The following DCC variants were observed in gnomAD, a reference collection of about 807,000 sequenced individuals.
DCC encodes the protein DCC netrin 1 receptor, also known as netrin receptor DCC.
In DCC, 58 loss-of-function variants were observed where a neutral mutation model predicts 172.5. The ratio of observed to expected loss-of-function variants is 0.34; its 90% CI spans 0.27 to 0.42. The LOEUF is 0.42. Among genes scored for constraint, DCC ranks in the 10% least tolerant of loss-of-function variants. The pLI is 1.00. For missense variants in DCC, 1,740 were observed against 1,791.0 expected (o/e 0.97, Z 0.51); for synonymous variants, 709 against 644.5 (o/e 1.10, Z -1.52).
chr18:52,567,819 T>TAA (rs959111911), intron 1 of DCC, among the ~76,000 whole-genome samples: 11 of 151,082 alleles, frequency 7.3e-5, no homozygotes, highest in African/African-American at 2.7e-4. Flanking sequence ...GTATTGAGCT[T>TAA]AAAAAAAAAC....
intron 5 of DCC, among the ~76,000 whole-genome samples, chr18:53,049,846 G>T (rs1411598158): frequency 1.3e-5 from 2 of 151,992 alleles, no homozygotes; most frequent in Non-Finnish European, 2.9e-5. Flanking sequence ...ATATGAAAGG[G>T]AGTTAATTAA....
At chr18:53,036,195 T>A (rs189359612) in intron 5 of DCC, among the ~76,000 whole-genome samples, 28 of 152,034 alleles carry the variant, frequency 1.8e-4, no homozygotes, top group Admixed American at 9.2e-4. Context: ...ATTCTAAAAA[T>A]CTTTTCCCAA....
At chr18:52,460,968 T>TA (rs922735570) in intron 1 of DCC, among the ~76,000 whole-genome samples, 4 of 152,194 alleles carry the variant, frequency 2.6e-5, no homozygotes, top group African/African-American at 9.6e-5. Flanking sequence ...AAATTATGTT[T>TA]ACTTCTTTAG....
intron 7 of DCC, among the ~76,000 whole-genome samples, chr18:53,096,003 C>T (rs2043082499): frequency 6.6e-6 from 1 of 151,774 alleles, no homozygotes; most frequent in South Asian, 2.1e-4. Flanking sequence ...CCATTGATTT[C>T]AGAGGTCAGG....
chr18:52,867,035 T>C (rs145953286), intron 2 of DCC, among the ~76,000 whole-genome samples: 11,671 of 152,258 alleles, frequency 0.077, 837 homozygotes, highest in East Asian at 0.31. Flanking sequence ...ATAGCTCTTA[T>C]TATTTTGAGA....
At position 53,152,309 on chromosome 18, in the gene DCC, G is replaced by A. The variant is rs532886544; in HGVS notation, c.1262-5047G>A. On this transcript the variant is annotated intron_variant, in intron 7 of 28. Transcript: ENST00000442544. ...ATACATCATAGGGAATGAAGGTAGT[G>A]GACTATCAATAAGCTTAGAAAAAAA... Among the ~76,000 whole-genome samples the A allele has an allele frequency of 2.6e-5, 4 of 152,086 alleles. No individual in the cohort carries two copies. The East Asian group carries it at 7.7e-4, about 29-fold the overall frequency.
At chr18:52,917,709 T>C (rs1440787505) in intron 3 of DCC, among the ~76,000 whole-genome samples, 3 of 152,154 alleles carry the variant, frequency 2.0e-5, no homozygotes, top group Non-Finnish European at 1.5e-5. Flanking sequence ...GTAATGACTG[T>C]TTTCTCTTTA....
At chr18:53,068,489 G>A (rs1001815464) in intron 7 of DCC, among the ~76,000 whole-genome samples, 3 of 141,020 alleles carry the variant, frequency 2.1e-5, no homozygotes, top group Non-Finnish European at 4.5e-5. Flanking sequence ...TGGCTGCTAC[G>A]CCAGTCACAG....
At chr18:53,163,290 G>A (rs1324256828) in intron 8 of DCC, among the ~76,000 whole-genome samples, 2 of 152,138 alleles carry the variant, frequency 1.3e-5, no homozygotes, top group African/African-American at 2.4e-5. Flanking sequence ...AAAATAAATT[G>A]TGTTACTGAG....
At chr18:53,398,277 G>A (rs1485683426) in intron 18 of DCC, among the ~76,000 whole-genome samples, 1 of 152,100 alleles carries the variant, frequency 6.6e-6, no homozygotes, top group Non-Finnish European at 1.5e-5. Flanking sequence ...CCATGGGATT[G>A]CAGTTCTAAT....
chr18:53,047,102 G>T (rs1031293478), intron 5 of DCC, among the ~76,000 whole-genome samples: 1 of 150,266 alleles, frequency 6.7e-6, no homozygotes, highest in Non-Finnish European at 1.5e-5. Flanking sequence ...GGACAAATAT[G>T]ATAAAAAGAA....
intron 14 of DCC, among the ~76,000 whole-genome samples, chr18:53,338,311 A>C (rs1379920905): frequency 6.6e-6 from 1 of 152,158 alleles, no homozygotes; most frequent in Non-Finnish European, 1.5e-5. Context: ...TTGTATAAAT[A>C]TTTATTAATT....
chr18:52,695,469 C>A (rs2035998048), intron 1 of DCC, among the ~76,000 whole-genome samples: 2 of 152,284 alleles, frequency 1.3e-5, no homozygotes, highest in South Asian at 4.1e-4. Flanking sequence ...ATTGTGTCAA[C>A]AGGATAGATT....
intron 22 of DCC, among the ~76,000 whole-genome samples, chr18:53,448,186 A>G (rs1448420081): frequency 6.6e-6 from 1 of 151,800 alleles, no homozygotes; most frequent in Non-Finnish European, 1.5e-5. Context: ...CACAATGAGT[A>G]TTTGTATTAA....
At chr18:53,045,027 T>C (rs1372978235) in intron 5 of DCC, among the ~76,000 whole-genome samples, 2 of 151,858 alleles carry the variant, frequency 1.3e-5, no homozygotes, top group Non-Finnish European at 2.9e-5. Flanking sequence ...AAGGTAAATA[T>C]GAATGATAAG....
intron 2 of DCC, among the ~76,000 whole-genome samples, chr18:52,806,032 A>G (rs555752572): frequency 1.3e-5 from 2 of 152,358 alleles, no homozygotes; most frequent in African/African-American, 2.4e-5. Flanking sequence ...ACTTTTAGGC[A>G]TATTTGAAAT....
At chr18:52,681,606 A>G (rs2035751616) in intron 1 of DCC, among the ~76,000 whole-genome samples, 1 of 152,128 alleles carries the variant, frequency 6.6e-6, no homozygotes, top group Non-Finnish European at 1.5e-5. Context: ...TTGTCAACGT[A>G]TATTAAATAT....
At chr18:53,379,066 TTTAA>T (rs1383547969) in intron 15 of DCC, among the ~76,000 whole-genome samples, 16 of 152,230 alleles carry the variant, frequency 1.1e-4, no homozygotes, top group African/African-American at 3.9e-4. Context: ...ACCCACTACA[TTTAA>T]TTAAACAGTT....
At chr18:52,728,730 T>C (rs878905846) in intron 1 of DCC, among the ~76,000 whole-genome samples, 1 of 152,298 alleles carries the variant, frequency 6.6e-6, no homozygotes, top group Middle Eastern at 3.4e-3. Flanking sequence ...AGCTAACATA[T>C]CAGTTATGAA....
Sources: gnomAD v4.1 joint callset for allele counts (sites outside exome capture counted in the v4.1 genomes callset) on GRCh38, gnomAD v4.1.1 for gene constraint, MANE v1.5 for transcripts, NCBI Gene and HGNC (gene_info 2026-07-23, HGNC 2026-07-21) for gene names.